The following USP11 variants were observed in gnomAD, a reference collection of about 807,000 sequenced individuals.
USP11 encodes the protein ubiquitin carboxyl-terminal hydrolase 11.
Under a neutral mutation model 72.8 loss-of-function variants are expected in USP11, and 5 were observed. The observed-to-expected ratio is 0.07, with a 90% confidence interval of 0.04 to 0.14. USP11 has a LOEUF of 0.14. Ranked by LOEUF, USP11 falls within the 10% of genes least tolerant of loss-of-function variation. The pLI is 1.00. For missense variants in USP11, 480 were observed against 794.7 expected (o/e 0.60, Z 4.76); for synonymous variants, 368 against 326.5 (o/e 1.13, Z -1.37).
At chrX:47,247,038 A>G in intron 17 of USP11, 34 bp from the exon 18 acceptor site, 1 of 1,170,832 alleles carries the variant, frequency 8.5e-7, no homozygotes, top group South Asian at 1.9e-5. Flanking sequence ...AAAAAAAGAA[A>G]AAGTCCGTTT....
Position 47,241,419 on chromosome X carries a change from A to G in USP11, c.989A>G (p.His330Arg). 8.3e-7 allele frequency: 1 copy of G among 1,208,953 alleles called. No homozygotes were observed. The highest frequency in any genetic ancestry group is 1.1e-6 in the Non-Finnish European group (1 of 894,053). Residue 330 changes from histidine to arginine, a missense_variant, in exon 8 of 21, where the codon CAC becomes CGC. By Grantham distance (29) the His-to-Arg change is conservative. Transcript: ENST00000377107. ...CTGGTGAAGCAGGCGTGGTCTGGCCACCACCGCTCCATTGTGCCACATGTG... is the reference window on the plus strand; with the variant it reads ...CTGGTGAAGCAGGCGTGGTCTGGCCGCCACCGCTCCATTGTGCCACATGTG... ...ADLVKQAWSG[H>R]HRSIVPHVFK...
Position 47,241,534 on chromosome X carries a change from T to A in USP11, c.1021-7T>A. 1 of 1,193,038 alleles carries A rather than the reference T, an allele frequency of 8.4e-7. No homozygotes were observed. Among genetic ancestry groups the A allele is most frequent in the Non-Finnish European group, 1.1e-6 (1 of 885,134 alleles). On this transcript the variant is annotated splice_polypyrimidine_tract_variant and splice_region_variant and intron_variant, in intron 8 of 20. Coordinates refer to ENST00000377107, the MANE Select transcript of USP11 (RefSeq NM_001371072.1). ...TCTCTCTCTGATGACCCTGCCCATC[T>A]TCTTAGAACAAGGTTGGCCATTTTG...
chrX:47,240,788 C>T lies in USP11; in HGVS notation c.758C>T (p.Ser253Leu), dbSNP rs369208947. 1.2e-5 allele frequency: 15 copies of T among 1,209,983 alleles called. No homozygotes were observed. The highest frequency in any genetic ancestry group is 5.9e-5 in the East Asian group (2 of 33,762). ...TCTAACCCCAGGAACAACAACATGT[C>T]GGAAGAGGATGAGGACTTCAAGGGT... ...AQLHVMNNNM[S>L]EEDEDFKGQP... The change falls in exon 7 of 21, where the codon TCG becomes TTG. Residue 253 changes from serine to leucine, a missense_variant. Around this residue, in one of 5 missense-constraint regions of USP11, gnomAD observed 80 missense variants for 100.9 expected, o/e 0.79. Transcript: ENST00000377107.
intron 4 of USP11, 115 bp downstream of exon 4, chrX:47,240,022 T>G: frequency 2.4e-6 from 2 of 841,797 alleles, no homozygotes; most frequent in Non-Finnish European, 1.7e-6. Flanking sequence ...GGTCAGACTT[T>G]GGAAGACCCA....
intron 1 of USP11, chrX:47,234,018 G>C (rs2055359924): frequency 9.0e-6 from 1 of 111,486 alleles, no homozygotes; most frequent in Admixed American, 9.5e-5. Context: ...ATAGAATTTT[G>C]ATAAATCGGC....
At chrX:47,246,688 TGA>T (rs751598396) in intron 17 of USP11, among the ~76,000 whole-genome samples, 1 of 109,913 alleles carries the variant, frequency 9.1e-6, no homozygotes, top group African/African-American at 3.3e-5. Context: ...ACATGGCACG[TGA>T]GAGGCAGTAC....
intron 1 of USP11, among the ~76,000 whole-genome samples, chrX:47,237,312 C>G (rs1369053220): frequency 1.8e-5 from 2 of 110,675 alleles, no homozygotes; most frequent in Non-Finnish European, 3.8e-5. Context: ...GTTTGTTTCC[C>G]TGGTGTGAGT....
intron 17 of USP11, 38 bp downstream of exon 17, chrX:47,245,520 A>G: frequency 1.1e-6 from 1 of 888,751 alleles, no homozygotes; most frequent in East Asian, 3.2e-5. Context: ...TGGGGGTTTC[A>G]TTGGATGGAA....
chrX:47,244,438 C>T, intron 13 of USP11, 60 bp from the exon 14 acceptor site: 1 of 1,161,383 alleles, frequency 8.6e-7, no homozygotes, highest in Middle Eastern at 2.4e-4. Context: ...AAGTAAAATC[C>T]CGGGCTCTAT....
intron 12 of USP11, 103 bp downstream of exon 12, chrX:47,242,823 C>A: frequency 3.1e-6 from 2 of 636,933 alleles, no homozygotes; most frequent in East Asian, 3.3e-5. Flanking sequence ...GCCTCTGCCT[C>A]GTTCACTGGG....
chrX:47,243,468 G>A lies in USP11; in HGVS notation c.1656G>A (p.Arg552=). 2.5e-6 allele frequency: 3 copies of A among 1,211,485 alleles called. No homozygotes were observed. Among genetic ancestry groups the A allele is most frequent in the Non-Finnish European group, 3.4e-6 (3 of 895,452 alleles). The change falls in exon 13 of 21, where the codon CGG becomes CGA. Residue 552 remains arginine, a synonymous_variant. Transcript: ENST00000377107. The part of the protein sequence containing the change: ...REDIVVPVYL[R]ERTPARDYNN... Reference sequence around the variant, plus strand: ...ACATCGTGGTTCCTGTCTACCTGCGGGAGCGCACCCCTGCCCGTGACTACA... The same window carrying A: ...ACATCGTGGTTCCTGTCTACCTGCGAGAGCGCACCCCTGCCCGTGACTACA...
In USP11 at chrX:47,245,418, G is replaced by T. The variant is rs1380914479; in HGVS notation, c.2206G>T (p.Val736Leu). The T allele has an allele frequency of 1.7e-6, 2 of 1,211,915 alleles. No homozygotes were observed. The highest frequency in any genetic ancestry group is 5.9e-5 in the East Asian group (2 of 33,861). ...CVGYVMKKAP[V>L]RLQECIELFT... ...CGGGTACGTGATGAAGAAGGCTCCC[G>T]TGCGGCTGCAGGAGTGCATTGAGCT... is the stretch of plus-strand genomic sequence containing the variant. Residue 736 changes from valine to leucine, a missense_variant, in exon 17 of 21, where the codon GTG becomes TTG. Transcript: ENST00000377107.
At chrX:47,240,033 G>T (rs1442817332) in intron 4 of USP11, 126 bp downstream of exon 4, 2 of 781,448 alleles carry the variant, frequency 2.6e-6, no homozygotes, top group African/African-American at 4.1e-5. Flanking sequence ...GGAAGACCCA[G>T]AAGGCATTGG....
At position 47,244,910 on chromosome X, in the gene USP11, C is replaced by A; in HGVS notation, c.2072C>A (p.Pro691His). 8.3e-7 allele frequency: 1 copy of A among 1,212,018 alleles called. No individual in the cohort carries two copies. Among genetic ancestry groups the A allele is most frequent in the Non-Finnish European group, 1.1e-6 (1 of 895,508 alleles). The change falls in exon 15 of 21, where the codon CCT (proline) becomes CAT (histidine). Residue 691 changes from proline (P) to histidine (H), a missense_variant. This residue lies in a region of USP11 where 314 missense variants were observed against 556.0 expected (regional missense o/e 0.56). Transcript: ENST00000377107. ...SNGTSDRTTS[P>H]EEVHAQPYIA... The stretch of plus-strand genomic sequence containing the variant: ...GGGACCAGCGACCGCACAACCTCCC[C>A]TGAAGAAGTCCATGGTATTTCCTTT...
intron 1 of USP11, chrX:47,233,735 G>C (rs2055357933): frequency 1.4e-5 from 2 of 144,228 alleles, no homozygotes; most frequent in Non-Finnish European, 2.2e-5. Context: ...CCTGGAGCCT[G>C]GGAACGAGGT....
intron 2 of USP11, 49 bp downstream of exon 2, chrX:47,239,228 C>T: frequency 2.5e-6 from 3 of 1,178,705 alleles, no homozygotes; most frequent in Non-Finnish European, 3.4e-6. Context: ...GTTCTTGTCC[C>T]TTCCGTCCCT....
In USP11 at chrX:47,247,239, G is replaced by A. The variant is rs1488780700; in HGVS notation, c.2420+18G>A. On this transcript the variant is annotated intron_variant, in intron 18 of 20. Coordinates refer to ENST00000377107, the MANE Select transcript of USP11 (RefSeq NM_001371072.1). ...CCTATCCGGTCAGGGGCCAGGGAGA[G>A]GATGGCTGGGGGAAGGCAGGGAAAG... 3 of 1,211,372 alleles carry A rather than the reference G, an allele frequency of 2.5e-6. No individual in the cohort carries two copies. The highest frequency in any genetic ancestry group is 3.4e-6 in the Non-Finnish European group (3 of 895,397).
intron 1 of USP11, among the ~76,000 whole-genome samples, chrX:47,234,238 AC>A (rs1369961986): frequency 8.9e-6 from 1 of 112,326 alleles, no homozygotes; most frequent in Non-Finnish European, 1.9e-5. Flanking sequence ...ATCATGAAAG[AC>A]AAAGGCTGAA....
In USP11 at chrX:47,244,678, C is replaced by A. The variant is rs1241582581; in HGVS notation, c.1844-4C>A. The A allele has an allele frequency of 8.3e-7, 1 of 1,208,158 alleles. No homozygotes were observed. The highest frequency in any genetic ancestry group is 3.0e-5 in the East Asian group (1 of 33,722). ...TTCCCATCTCTGACATCCTCCTGTC[C>A]TAGAAGATGACGAGGAGGATAAAGA... On this transcript the variant is annotated splice_polypyrimidine_tract_variant and splice_region_variant and intron_variant, in intron 14 of 20. Transcript: ENST00000377107.
Sources: gnomAD v4.1 joint callset for allele counts (sites outside exome capture counted in the v4.1 genomes callset) on GRCh38, gnomAD v4.1.1 for gene constraint, gnomAD v4.1.1 regional missense constraint, MANE v1.5 for transcripts, NCBI Gene and HGNC (gene_info 2026-07-23, HGNC 2026-07-21) for gene names.